PSME4: variants seen among roughly 807,000 people sequenced by gnomAD.
The protein encoded by PSME4 is proteasome activator subunit 4.
PSME4 carries 89 observed loss-of-function variants against 253.9 expected under a neutral mutation model. The observed-to-expected ratio is 0.35, with a 90% confidence interval of 0.30 to 0.42. PSME4 has a LOEUF of 0.42. PSME4 is among the 10% of genes least tolerant of loss of function. The probability of loss-of-function intolerance (pLI) is 1.00; values close to 1 mark genes in which losing one functional copy is unlikely to be tolerated. For missense variants in PSME4, 2,014 were observed against 2,195.2 expected (o/e 0.92, Z 1.65); for synonymous variants, 851 against 759.2 (o/e 1.12, Z -1.99).
At chr2:53,921,673 C>T (rs1319106320) in intron 17 of PSME4, among the ~76,000 whole-genome samples, 174 of 114,660 alleles carry the variant, frequency 1.5e-3, no homozygotes, top group South Asian at 4.5e-3. Flanking sequence ...TCGAGACCAT[C>T]CCGGCTAAAA....
intron 41 of PSME4, among the ~76,000 whole-genome samples, chr2:53,883,494 G>C (rs981934693): frequency 1.3e-5 from 2 of 152,138 alleles, no homozygotes; most frequent in East Asian, 3.8e-4. Context: ...AAAGCGGTGG[G>C]GGGGTGCGGG....
Position 53,864,160 on chromosome 2 carries a change from C to G in PSME4, c.*1418G>C, listed in dbSNP as rs1181495868. 6.6e-6 allele frequency: 1 copy of G among 152,220 alleles called. No homozygotes were observed. Among genetic ancestry groups the G allele is most frequent in the East Asian group, 1.9e-4 (1 of 5,192 alleles). 9.4% of individuals were successfully genotyped at this position (152,220 alleles called of 1,614,324 possible). On this transcript the variant is annotated 3_prime_UTR_variant, in exon 47 of 47. Transcript: ENST00000404125. ...ATACAGGGATTACGCCTGTGTATGC[C>G]GACACTTAAATACTGTACCAGGACC...
chr2:53,934,798 T>C (rs1669027550), intron 7 of PSME4, 71 bp from the exon 8 acceptor site: 2 of 1,148,230 alleles, frequency 1.7e-6, no homozygotes, highest in African/African-American at 1.6e-5. Context: ...GTAAGTGCTG[T>C]ATATTAGTGT....
chr2:53,880,199 A>G (rs809282), intron 41 of PSME4, among the ~76,000 whole-genome samples: 44,691 of 152,058 alleles, frequency 0.29, 6,978 homozygotes, highest in South Asian at 0.47. Flanking sequence ...GCTTATGCCC[A>G]TCATCCTAGC....
intron 20 of PSME4, among the ~76,000 whole-genome samples, chr2:53,914,824 T>A (rs147459605): frequency 0.032 from 4,913 of 152,252 alleles, 103 homozygotes; most frequent in Non-Finnish European, 0.047. Context: ...GAGGTTGCAG[T>A]GAGCTGAGAT....
At chr2:53,926,158 T>C (rs756210025) in intron 12 of PSME4, 135 bp from the exon 13 acceptor site, 8 of 623,876 alleles carry the variant, frequency 1.3e-5, no homozygotes, top group Non-Finnish European at 2.2e-5. Context: ...AACAGCACCA[T>C]GCTAGACTTC....
At chr2:53,960,957 A>T (rs1670471754) in intron 1 of PSME4, among the ~76,000 whole-genome samples, 1 of 152,078 alleles carries the variant, frequency 6.6e-6, no homozygotes, top group Non-Finnish European at 1.5e-5. Flanking sequence ...AAAGTACAAA[A>T]CTAGCTGGGC....
At chr2:53,899,127 C>T (rs116674017) in intron 29 of PSME4, among the ~76,000 whole-genome samples, 2,065 of 152,200 alleles carry the variant, frequency 0.014, 53 homozygotes, top group African/African-American at 0.047. Flanking sequence ...TGCAGGGGCA[C>T]GATCTCTGCT....
intron 3 of PSME4, among the ~76,000 whole-genome samples, chr2:53,946,224 C>A (rs975214609): frequency 6.6e-6 from 1 of 152,142 alleles, no homozygotes; most frequent in Admixed American, 6.5e-5. Context: ...GAAAGTAGGA[C>A]GCTTGGTTAT....
intron 7 of PSME4, among the ~76,000 whole-genome samples, chr2:53,935,119 C>A (rs541669108): frequency 6.6e-6 from 1 of 152,326 alleles, no homozygotes; most frequent in South Asian, 2.1e-4. Context: ...CAAGCATGCA[C>A]AACAGCACCA....
intron 10 of PSME4, among the ~76,000 whole-genome samples, chr2:53,929,505 G>C (rs1668724423): frequency 6.6e-6 from 1 of 151,736 alleles, no homozygotes; most frequent in African/African-American, 2.4e-5. Context: ...ATGTTGCCCA[G>C]GCTGGTCTCA....
At chr2:53,897,783 A>C (rs2104431954) in intron 31 of PSME4, 87 bp downstream of exon 31, 1 of 1,393,478 alleles carries the variant, frequency 7.2e-7, no homozygotes, top group South Asian at 1.2e-5. Context: ...TTATTAACCA[A>C]GTGTGTATTG....
At chr2:53,926,065 G>GT (rs751543976) in intron 12 of PSME4, 42 bp from the exon 13 acceptor site, 4,856 of 1,461,270 alleles carry the variant, frequency 3.3e-3, no homozygotes, top group Non-Finnish European at 3.8e-3. Context: ...TATAGCCTTT[G>GT]TTTTTTTTTC....
chr2:53,940,506 A>G (rs1669341304), intron 3 of PSME4, among the ~76,000 whole-genome samples: 1 of 152,154 alleles, frequency 6.6e-6, no homozygotes, highest in African/African-American at 2.4e-5. Context: ...CATCTCTTTG[A>G]GCAGATACTT....
At position 53,927,267 on chromosome 2, in the gene PSME4, T is replaced by C. The variant is rs936730749; in HGVS notation, c.1593+127A>G. The C allele has an allele frequency of 1.7e-5, 12 of 686,074 alleles. No homozygotes were observed. The East Asian group carries it at 2.8e-4, about 16-fold the overall frequency. The allele number at this position is 686,074 out of a possible 1,614,324, so 42.5% of individuals were successfully genotyped here. On this transcript the variant is annotated intron_variant, in intron 12 of 46. Coordinates refer to ENST00000404125, the MANE Select transcript of PSME4 (RefSeq NM_014614.3). ...GCCAATGATGTCCTGGCCCTCCATA[T>C]GTACCATTCTAGTCACAAAATAGTG...
In PSME4 at chr2:53,895,713, T is replaced by C. The variant is rs780302912; in HGVS notation, c.3712A>G (p.Ile1238Val). The change falls in exon 33 of 47, where the codon ATT (isoleucine) becomes GTT (valine). Residue 1238 changes from isoleucine to valine, a missense_variant. Coordinates refer to ENST00000404125, the MANE Select transcript of PSME4 (RefSeq NM_014614.3). ...TTATCAGGCCTATCACCAGCAATAATTTGGGTGGGTTTAGGGCATCCACCT... is the reference window on the plus strand; with the variant it reads ...TTATCAGGCCTATCACCAGCAATAACTTGGGTGGGTTTAGGGCATCCACCT... ...EISGCPKPTQ[I>V]IAGDRPDNHW... 2.5e-6 allele frequency: 4 copies of C among 1,611,510 alleles called. No homozygotes were observed. The highest frequency in any genetic ancestry group is 2.5e-6 in the Non-Finnish European group (3 of 1,179,234).
rs1239278446 is a variant in PSME4, at chr2:53,923,409, T to G, written c.1820A>C (p.Gln607Pro). ...CSKEIFMVAL[Q>P]KVFNFSTSHI... ...TGAAGTAGAAAAATTAAAAACCTTCTGAAGGGCCACCTGTTAAGATATGAA... is the reference window on the plus strand; with the variant it reads ...TGAAGTAGAAAAATTAAAAACCTTCGGAAGGGCCACCTGTTAAGATATGAA... Residue 607 changes from glutamine to proline, a missense_variant, in exon 15 of 47, where the codon CAG becomes CCG. Gln to Pro is a moderately conservative substitution (Grantham distance 76). Coordinates refer to ENST00000404125, the MANE Select transcript of PSME4 (RefSeq NM_014614.3). The G allele has an allele frequency of 6.2e-7, 1 of 1,603,690 alleles. No individual in the cohort carries two copies.
Position 53,875,678 on chromosome 2 carries a change from C to G in PSME4, c.4893G>C (p.Gln1631His). 1.2e-6 allele frequency: 2 copies of G among 1,613,220 alleles called. No individual in the cohort carries two copies. The highest frequency in any genetic ancestry group is 1.7e-6 in the Non-Finnish European group (2 of 1,179,310). The change falls in exon 42 of 47, where the codon CAG becomes CAC. Residue 1631 changes from glutamine to histidine, a missense_variant. Gln to His is a conservative substitution (Grantham distance 24). Coordinates refer to ENST00000404125, the MANE Select transcript of PSME4 (RefSeq NM_014614.3). ...GCACTTGATGAGGGTAAAGCAACCC[C>G]TGAGACATTAATGATAAACATAACT... ...DAKLCLSLMS[Q>H]GLLYPHQVPL...
At chr2:53,927,315 TA>T in intron 12 of PSME4, 78 bp downstream of exon 12, 1 of 1,058,492 alleles carries the variant, frequency 9.4e-7, no homozygotes, top group Non-Finnish European at 1.4e-6. Flanking sequence ...AAGTCGTTTC[TA>T]AACTGTCAAG....
Sources: allele counts gnomAD v4.1 joint callset (sites outside exome capture counted in the v4.1 genomes callset), GRCh38; gene constraint gnomAD v4.1.1; transcripts MANE v1.5; gene names NCBI Gene and HGNC (gene_info 2026-07-23, HGNC 2026-07-21).